Variants in TAFA2 observed in about 807,000 individuals in gnomAD.
TAFA2 encodes TAFA chemokine like family member 2.
Under a neutral mutation model 18.8 loss-of-function variants are expected in TAFA2, and 7 were observed. The observed-to-expected ratio is 0.37, with a 90% CI of 0.21 to 0.70. The LOEUF (loss-of-function observed/expected upper bound fraction) is 0.70. Among genes scored for constraint, TAFA2 ranks in the 30% least tolerant of loss-of-function variants. The pLI is 0.53. For synonymous variants in TAFA2, 60 were observed against 54.2 expected, an observed-to-expected ratio of 1.11 and a Z score of -0.47; for missense variants, 122 against 158.1, an observed-to-expected ratio of 0.77 and a Z score of 1.23.
At position 62,160,704 on chromosome 12, in the gene TAFA2, G is replaced by T. The variant is rs139820364; in HGVS notation, c.-2+30555C>A. Among the ~76,000 whole-genome samples the T allele has an allele frequency of 8.7e-3, 1,319 of 152,190 alleles. 14 individuals carry two copies. Among genetic ancestry groups the T allele is most frequent in the African/African-American group, 0.029 (1,224 of 41,506 alleles). Reference sequence around the variant, plus strand: ...GCCATTATCTATGTAGAGTTTACACGTTCTCCCCATGTCTGCGTGAGTTAT... The same window carrying T: ...GCCATTATCTATGTAGAGTTTACACTTTCTCCCCATGTCTGCGTGAGTTAT... On this transcript the variant is annotated intron_variant, in intron 1 of 4. Coordinates refer to ENST00000416284, the MANE Select transcript of TAFA2 (RefSeq NM_178539.5).
chr12:62,255,288 G>A, intron 1 of TAFA2: 1 of 152,148 alleles, frequency 6.6e-6, no homozygotes, highest in Non-Finnish European at 1.5e-5. Flanking sequence ...ATATTTTCAT[G>A]TAGAGGTTCT....
At chr12:61,870,017 C>G (rs1874530001) in intron 1 of TAFA2, among the ~76,000 whole-genome samples, 1 of 152,180 alleles carries the variant, frequency 6.6e-6, no homozygotes, top group Non-Finnish European at 1.5e-5. Flanking sequence ...ATTGTACACC[C>G]ACCCAATGGG....
intron 1 of TAFA2, among the ~76,000 whole-genome samples, chr12:62,116,245 C>G (rs1018565399): frequency 6.6e-6 from 1 of 152,106 alleles, no homozygotes; most frequent in Admixed American, 6.5e-5. Context: ...TGCACGAAGC[C>G]CATGTGGCTA....
intron 1 of TAFA2, among the ~76,000 whole-genome samples, chr12:61,940,973 C>T (rs531373210): frequency 6.6e-6 from 1 of 152,036 alleles, no homozygotes; most frequent in East Asian, 1.9e-4. Context: ...TGAAATATAG[C>T]ATGTGTGAAT....
chr12:61,761,486 G>A (rs1412097846), intron 2 of TAFA2, among the ~76,000 whole-genome samples: 1 of 151,958 alleles, frequency 6.6e-6, no homozygotes, highest in Non-Finnish European at 1.5e-5. Context: ...AGCTTAATAT[G>A]AGCACTAACT....
chr12:61,941,937 G>C (rs896961010), intron 1 of TAFA2, among the ~76,000 whole-genome samples: 4 of 152,094 alleles, frequency 2.6e-5, no homozygotes, highest in African/African-American at 7.2e-5. Flanking sequence ...AGCTCAAACT[G>C]GGTGGAGCCC....
At chr12:61,795,025 A>G (rs1323600383) in intron 2 of TAFA2, among the ~76,000 whole-genome samples, 2 of 152,180 alleles carry the variant, frequency 1.3e-5, no homozygotes, top group African/African-American at 2.4e-5. Context: ...CAAAACCACA[A>G]TGAGATACCA....
intron 1 of TAFA2, chr12:62,255,205 AT>A (rs1375496018): frequency 6.6e-6 from 1 of 152,226 alleles, no homozygotes; most frequent in Non-Finnish European, 1.5e-5. Flanking sequence ...ATTTGAAATG[AT>A]TTTTAGCTTT....
intron 2 of TAFA2, among the ~76,000 whole-genome samples, chr12:61,833,474 T>C (rs903712356): frequency 6.6e-6 from 1 of 152,100 alleles, no homozygotes; most frequent in Non-Finnish European, 1.5e-5. Context: ...GCTCTCTCAG[T>C]TGATTTTATC....
At chr12:62,033,980 G>A (rs564678404) in intron 1 of TAFA2, among the ~76,000 whole-genome samples, 1 of 152,096 alleles carries the variant, frequency 6.6e-6, no homozygotes, top group East Asian at 1.9e-4. Context: ...CTGAATCTTG[G>A]CAATTTCATG....
At chr12:61,980,503 G>A (rs1879594319) in intron 1 of TAFA2, among the ~76,000 whole-genome samples, 1 of 152,146 alleles carries the variant, frequency 6.6e-6, no homozygotes, top group East Asian at 1.9e-4. Context: ...ATTAGGAAAT[G>A]AGGAAGTCAA....
intron 1 of TAFA2, among the ~76,000 whole-genome samples, chr12:62,056,994 G>A (rs1882204457): frequency 6.6e-6 from 1 of 152,108 alleles, no homozygotes. Flanking sequence ...TTCTAAGTTT[G>A]GTGTCAAGAG....
At chr12:61,885,575 G>A (rs1359117187) in intron 1 of TAFA2, among the ~76,000 whole-genome samples, 1 of 152,218 alleles carries the variant, frequency 6.6e-6, no homozygotes, top group African/African-American at 2.4e-5. Context: ...TGGGGAGCAT[G>A]TGTCCTCCAC....
chr12:61,897,929 A>C (rs551401276), intron 1 of TAFA2, among the ~76,000 whole-genome samples: 1 of 152,374 alleles, frequency 6.6e-6, no homozygotes, highest in African/African-American at 2.4e-5. Context: ...TAAAATCAAA[A>C]GCAAGTTAGT....
intron 2 of TAFA2, among the ~76,000 whole-genome samples, chr12:61,770,651 G>A (rs781181714): frequency 1.4e-4 from 21 of 151,996 alleles, no homozygotes; most frequent in Non-Finnish European, 2.9e-4. Context: ...CTTCATAAAT[G>A]AAGAAAACAT....
At chr12:61,769,235 C>T (rs2120834435) in intron 2 of TAFA2, among the ~76,000 whole-genome samples, 1 of 152,124 alleles carries the variant, frequency 6.6e-6, no homozygotes, top group African/African-American at 2.4e-5. Flanking sequence ...ACCCTACCTC[C>T]ACCTGATGGT....
chr12:61,776,210 G>C (rs926699342), intron 2 of TAFA2: 1 of 219,250 alleles, frequency 4.6e-6, no homozygotes, highest in Non-Finnish European at 9.3e-6. Flanking sequence ...AGCATATTAA[G>C]CAGTTTAAGA....
Position 61,710,123 on chromosome 12 carries a change from A to G in TAFA2, c.*283T>C. On this transcript the variant is annotated 3_prime_UTR_variant, in exon 5 of 5. Transcript: ENST00000416284. ...TGTCTCTAACATCACCCTGAAAAAAACAACTCTTCACCAGCTCCTCAGACA... is the reference window on the plus strand; with the variant it reads ...TGTCTCTAACATCACCCTGAAAAAAGCAACTCTTCACCAGCTCCTCAGACA... 2.4e-6 allele frequency: 1 copy of G among 416,720 alleles called. No individual in the cohort carries two copies. The highest frequency in any genetic ancestry group is 4.3e-6 in the Non-Finnish European group (1 of 232,040). The allele number at this position is 416,720 out of a possible 1,614,324, so 25.8% of individuals were successfully genotyped here. A position where few individuals can be genotyped will look rare whatever the true frequency, so the allele number is the denominator to read the frequency against.
chr12:62,205,810 C>A (rs1400166014), intron 1 of TAFA2, among the ~76,000 whole-genome samples: 1 of 151,970 alleles, frequency 6.6e-6, no homozygotes, highest in Non-Finnish European at 1.5e-5. Flanking sequence ...AAGTGGCCAC[C>A]AAGAATGTAC....
Sources: allele counts gnomAD v4.1 joint callset (sites outside exome capture counted in the v4.1 genomes callset), GRCh38; gene constraint gnomAD v4.1.1; transcripts MANE v1.5; gene names NCBI Gene and HGNC (gene_info 2026-07-23, HGNC 2026-07-21).